Variants in ATP13A4 observed in about 807,000 individuals in gnomAD.
ATP13A4 encodes the protein ATPase 13A4.
A neutral mutation model predicts 142.5 loss-of-function variants in ATP13A4; 114 were observed. That is an observed-to-expected ratio of 0.80 (90% CI 0.69 to 0.93). The LOEUF (loss-of-function observed/expected upper bound fraction) is 0.93, where lower values mean the gene tolerates loss of function less well. Among genes scored for constraint, ATP13A4 ranks in the 40% least tolerant of loss-of-function variants. The pLI, the probability that ATP13A4 is intolerant of heterozygous loss-of-function variation, is 0.00. For missense variants in ATP13A4, 1,392 were observed against 1,454.0 expected (o/e 0.96, Z 0.69); for synonymous variants, 488 against 514.8 (o/e 0.95, Z 0.70).
At chr3:193,576,867 T>G (rs1199218576) in intron 2 of ATP13A4, among the ~76,000 whole-genome samples, 1 of 152,184 alleles carries the variant, frequency 6.6e-6, no homozygotes, top group Non-Finnish European at 1.5e-5. Context: ...CAGACACTGC[T>G]GGAATAAAGG....
chr3:193,472,501 C>T (rs562751420), intron 8 of ATP13A4, among the ~76,000 whole-genome samples: 1 of 152,204 alleles, frequency 6.6e-6, no homozygotes, highest in Non-Finnish European at 1.5e-5. Flanking sequence ...GGTGAACGTT[C>T]TCGACTTAAA....
At chr3:193,512,586 G>C (rs1320591408) in intron 2 of ATP13A4, among the ~76,000 whole-genome samples, 1 of 152,158 alleles carries the variant, frequency 6.6e-6, no homozygotes. Context: ...CATCACTTGA[G>C]AACCTGTTAA....
intron 2 of ATP13A4, among the ~76,000 whole-genome samples, chr3:193,507,371 T>C (rs1720913734): frequency 1.3e-5 from 2 of 152,192 alleles, no homozygotes; most frequent in Admixed American, 6.5e-5. Flanking sequence ...GCCAGACTCA[T>C]TGATGCTCTT....
chr3:193,445,975 A>G (rs1716929886), intron 18 of ATP13A4, among the ~76,000 whole-genome samples: 1 of 152,164 alleles, frequency 6.6e-6, no homozygotes, highest in East Asian at 1.9e-4. Context: ...GTGCAAAAAA[A>G]AAAAAAGTCT....
intron 2 of ATP13A4, 61 bp downstream of exon 2, chr3:193,514,637 C>T (rs528577971): frequency 1.6e-5 from 26 of 1,588,638 alleles, no homozygotes; most frequent in African/African-American, 1.3e-4. Context: ...CCAGCCATCC[C>T]GTAACACATT....
chr3:193,530,420 C>T (rs1265024752), intron 1 of ATP13A4, among the ~76,000 whole-genome samples: 1 of 152,182 alleles, frequency 6.6e-6, no homozygotes. Context: ...ATCATCACCA[C>T]AATTACACAT....
upstream of ATP13A4, among the ~76,000 whole-genome samples, chr3:193,559,668 C>G (rs1019539319): frequency 2.0e-5 from 3 of 152,340 alleles, no homozygotes; most frequent in East Asian, 3.9e-4. Flanking sequence ...AAAGAGCAGG[C>G]TGATGCTGTC....
In ATP13A4 at chr3:193,496,125, T is replaced by C. The variant is rs544499025; in HGVS notation, c.382-2965A>G. Among the ~76,000 whole-genome samples, 259 of 152,288 alleles carry C rather than the reference T, an allele frequency of 1.7e-3. 2 individuals carry two copies. Among genetic ancestry groups the C allele is most frequent in the African/African-American group, 6.0e-3 (250 of 41,570 alleles). On this transcript the variant is annotated intron_variant, in intron 3 of 29. Coordinates refer to ENST00000342695, the MANE Select transcript of ATP13A4 (RefSeq NM_032279.4). ...TTCTCATGGATTGAAAGAACTAATC[T>C]TATTAACAATGCCCATGCTATCAAA...
At chr3:193,492,627 G>A (rs139883282) in intron 5 of ATP13A4, among the ~76,000 whole-genome samples, 17 of 152,146 alleles carry the variant, frequency 1.1e-4, no homozygotes, top group African/African-American at 3.4e-4. Flanking sequence ...CAGTTCTTCC[G>A]CTACTAATTC....
chr3:193,405,707 A>C (rs1714458813), intron 29 of ATP13A4, among the ~76,000 whole-genome samples: 2 of 152,108 alleles, frequency 1.3e-5, no homozygotes, highest in Admixed American at 1.3e-4. Flanking sequence ...TTCTTGAGTC[A>C]ATAAACATCT....
chr3:193,570,046 TC>T (rs1196631114), intron 2 of ATP13A4, among the ~76,000 whole-genome samples: 1 of 152,012 alleles, frequency 6.6e-6, no homozygotes, highest in African/African-American at 2.4e-5. Flanking sequence ...ATGCCTGTAA[TC>T]CCAGCACTTT....
At chr3:193,523,616 C>T (rs1413584758) in intron 1 of ATP13A4, among the ~76,000 whole-genome samples, 2 of 152,212 alleles carry the variant, frequency 1.3e-5, no homozygotes, top group African/African-American at 4.8e-5. Context: ...TACTCTCCCT[C>T]CATGGGGACA....
At chr3:193,424,116 TTAACCAAGGAGG>T (rs1171859449) in intron 25 of ATP13A4, among the ~76,000 whole-genome samples, 1 of 148,854 alleles carries the variant, frequency 6.7e-6, no homozygotes, top group African/African-American at 2.5e-5. Flanking sequence ...AGAAATAAAT[TTAACCAAGGAGG>T]TGAAAAATCT....
At chr3:193,579,195 GGTGA>G (rs1408566324) in intron 2 of ATP13A4, 1 of 157,248 alleles carries the variant, frequency 6.4e-6, no homozygotes, top group African/African-American at 2.4e-5. Context: ...AGGTATCAAT[GGTGA>G]GTAATATCAC....
intron 3 of ATP13A4, 26 bp downstream of exon 3, chr3:193,502,464 ACAT>A: frequency 2.5e-6 from 4 of 1,609,168 alleles, no homozygotes; most frequent in South Asian, 2.2e-5. Flanking sequence ...AATCTCTCTG[ACAT>A]CAGCAGTAGC....
intron 18 of ATP13A4, among the ~76,000 whole-genome samples, chr3:193,445,631 C>A (rs923393095): frequency 2.0e-5 from 3 of 151,818 alleles, no homozygotes; most frequent in African/African-American, 7.3e-5. Flanking sequence ...GTGGTGCACA[C>A]CTGTAGTCCC....
chr3:193,463,898 A>C (rs1453863400), intron 12 of ATP13A4, among the ~76,000 whole-genome samples: 1 of 152,172 alleles, frequency 6.6e-6, no homozygotes, highest in African/African-American at 2.4e-5. Context: ...CCCTGATCCC[A>C]TTAATTCTCA....
At position 193,459,064 on chromosome 3, in the gene ATP13A4, G is replaced by A. The variant is rs765229406; in HGVS notation, c.1674+17C>T. 1.2e-6 allele frequency: 2 copies of A among 1,614,110 alleles called. No individual in the cohort carries two copies. Among genetic ancestry groups the A allele is most frequent in the South Asian group, 2.2e-5 (2 of 91,080 alleles). On this transcript the variant is annotated intron_variant, in intron 14 of 29. Transcript: ENST00000342695. The stretch of plus-strand genomic sequence containing the variant: ...ATTGAAGAAGCTTCTCAGATTCTCT[G>A]AAGAGCAGAGGCTTACCCAGGTGGT...
chr3:193,418,752 G>A (rs1715251343), intron 25 of ATP13A4, among the ~76,000 whole-genome samples: 1 of 149,918 alleles, frequency 6.7e-6, no homozygotes, highest in Non-Finnish European at 1.5e-5. Flanking sequence ...AGCCAACAGT[G>A]TGCCCTTCCC....
Sources: allele counts gnomAD v4.1 joint callset (sites outside exome capture counted in the v4.1 genomes callset), GRCh38; gene constraint gnomAD v4.1.1; transcripts MANE v1.5; gene names NCBI Gene and HGNC (gene_info 2026-07-23, HGNC 2026-07-21).